Variants in ARAP2 observed in about 807,000 individuals in gnomAD.
The protein encoded by ARAP2 is ArfGAP with RhoGAP domain, ankyrin repeat and PH domain 2.
In ARAP2, 148 loss-of-function variants were observed where a neutral mutation model predicts 194.5. The observed-to-expected ratio is 0.76, with a 90% CI of 0.67 to 0.87. The LOEUF (loss-of-function observed/expected upper bound fraction) is 0.87, where lower values mean the gene tolerates loss of function less well. Among genes scored for constraint, ARAP2 ranks in the 40% least tolerant of loss-of-function variants. The pLI is 0.00. For synonymous variants in ARAP2, 695 were observed against 683.5 expected (o/e 1.02, Z -0.26); for missense variants, 2,128 against 1,989.7 (o/e 1.07, Z -1.32).
chr4:36,131,932 G>C (rs887075304), intron 20 of ARAP2, among the ~76,000 whole-genome samples: 2 of 151,652 alleles, frequency 1.3e-5, no homozygotes, highest in Non-Finnish European at 3.0e-5. Context: ...TTATAGTAAT[G>C]CCCAAATATG....
chr4:36,167,098 T>C (rs1446422938), intron 9 of ARAP2, 51 bp from the exon 10 acceptor site: 3 of 1,070,292 alleles, frequency 2.8e-6, no homozygotes, highest in Non-Finnish European at 4.0e-6. Context: ...AAAAAAGATT[T>C]TGAAAGTATA....
downstream of ARAP2, among the ~76,000 whole-genome samples, chr4:36,062,633 A>AGAGT (rs1553882454): frequency 0.063 from 9,332 of 148,198 alleles, 314 homozygotes; most frequent in Middle Eastern, 0.12. Flanking sequence ...TTTGTGTGAG[A>AGAGT]GTGTGTGTGT....
chr4:36,081,213 T>C (rs543842919), intron 30 of ARAP2, among the ~76,000 whole-genome samples: 1 of 152,254 alleles, frequency 6.6e-6, no homozygotes, highest in East Asian at 1.9e-4. Context: ...TATAAAATAC[T>C]GTAGGTGCAA....
intron 8 of ARAP2, among the ~76,000 whole-genome samples, chr4:36,184,626 T>C (rs1740090397): frequency 6.6e-6 from 1 of 152,138 alleles, no homozygotes; most frequent in Non-Finnish European, 1.5e-5. Context: ...ACGTGTCTGT[T>C]TAACTTTTAA....
intron 8 of ARAP2, among the ~76,000 whole-genome samples, chr4:36,185,224 C>T (rs1212038483): frequency 6.6e-6 from 1 of 152,228 alleles, no homozygotes; most frequent in East Asian, 1.9e-4. Flanking sequence ...CTGACCCCTA[C>T]TCTGGGACTC....
intron 6 of ARAP2, among the ~76,000 whole-genome samples, chr4:36,208,788 G>T (rs535667543): frequency 2.6e-5 from 4 of 151,784 alleles, no homozygotes; most frequent in Non-Finnish European, 5.9e-5. Context: ...CAAGCCCCTT[G>T]GTTTATTTTC....
At chr4:36,107,302 T>C (rs1471374814) in intron 27 of ARAP2, among the ~76,000 whole-genome samples, 1 of 151,994 alleles carries the variant, frequency 6.6e-6, no homozygotes, top group Non-Finnish European at 1.5e-5. Context: ...ATAAGCATGG[T>C]AAACAACCTT....
At chr4:36,013,601 T>C (rs1714971996) in intron 8 of ARAP2, among the ~76,000 whole-genome samples, 1 of 152,146 alleles carries the variant, frequency 6.6e-6, no homozygotes, top group Non-Finnish European at 1.5e-5. Context: ...GGTTAGTATA[T>C]TTGCTGATGG....
At chr4:36,051,372 G>C (rs1722640268) in intron 3 of ARAP2, among the ~76,000 whole-genome samples, 1 of 152,138 alleles carries the variant, frequency 6.6e-6, no homozygotes, top group Non-Finnish European at 1.5e-5. Flanking sequence ...AGCTACTCGG[G>C]AGGCTGAGGC....
intron 2 of ARAP2, among the ~76,000 whole-genome samples, chr4:36,224,862 T>C (rs1212653053): frequency 6.6e-6 from 1 of 152,174 alleles, no homozygotes; most frequent in Non-Finnish European, 1.5e-5. Flanking sequence ...TAAAATTTTC[T>C]TGAAGATGAA....
intron 24 of ARAP2, among the ~76,000 whole-genome samples, chr4:36,117,797 C>A (rs972108497): frequency 6.6e-5 from 10 of 151,488 alleles, no homozygotes; most frequent in Non-Finnish European, 1.5e-4. Flanking sequence ...ATTATTATAT[C>A]CCAAAAGACA....
chr4:36,017,588 G>C (rs1163989426), intron 6 of ARAP2, among the ~76,000 whole-genome samples: 4 of 19,102 alleles, frequency 2.1e-4, no homozygotes, highest in Non-Finnish European at 3.9e-4. Flanking sequence ...AAAAAAAAAA[G>C]CTTTCTGTGG....
chr4:36,227,561 C>G (rs558290279), intron 2 of ARAP2, among the ~76,000 whole-genome samples: 8 of 152,190 alleles, frequency 5.3e-5, no homozygotes, highest in African/African-American at 1.9e-4. Flanking sequence ...CTGCAATTAC[C>G]AAAGGTACCT....
At chr4:36,013,783 G>C (rs1715007684) in intron 8 of ARAP2, among the ~76,000 whole-genome samples, 2 of 152,058 alleles carry the variant, frequency 1.3e-5, no homozygotes, top group Non-Finnish European at 2.9e-5. Context: ...GGTAATTATA[G>C]GAAAAACATA....
chr4:36,150,723 C>G (rs1459547037), intron 16 of ARAP2, among the ~76,000 whole-genome samples, 177 bp downstream of exon 16: 1 of 152,134 alleles, frequency 6.6e-6, no homozygotes, highest in Non-Finnish European at 1.5e-5. Context: ...AGTCTTCCTA[C>G]TTTGTAGTGA....
intron 5 of ARAP2, among the ~76,000 whole-genome samples, chr4:36,028,098 G>C (rs564408847): frequency 6.6e-6 from 1 of 152,198 alleles, no homozygotes; most frequent in South Asian, 2.1e-4. Context: ...ATTATGTTTT[G>C]AATGTGGTAC....
chr4:36,009,886 G>GGC (rs1553859415), intron 9 of ARAP2, among the ~76,000 whole-genome samples: 13 of 142,224 alleles, frequency 9.1e-5, no homozygotes, highest in Middle Eastern at 3.5e-3. Flanking sequence ...TTTTTGGCGG[G>GGC]GGGTAGGGGG....
chr4:36,023,195 G>A (rs1240542212), intron 5 of ARAP2, among the ~76,000 whole-genome samples: 2 of 152,172 alleles, frequency 1.3e-5, no homozygotes, highest in Non-Finnish European at 2.9e-5. Flanking sequence ...CAGCCAAAGA[G>A]TTCGGCACTT....
intron 3 of ARAP2, among the ~76,000 whole-genome samples, chr4:36,049,890 G>C (rs1360682860): frequency 6.6e-6 from 1 of 152,036 alleles, no homozygotes; most frequent in South Asian, 2.1e-4. Context: ...CAGTTACATT[G>C]CTCTTTGAAT....
Sources: gnomAD v4.1 joint callset for allele counts (sites outside exome capture counted in the v4.1 genomes callset) on GRCh38, gnomAD v4.1.1 for gene constraint, MANE v1.5 for transcripts, NCBI Gene and HGNC (gene_info 2026-07-23, HGNC 2026-07-21) for gene names.